The following GALNTL6 variants were observed in gnomAD, a reference collection of about 807,000 sequenced individuals.
The protein encoded by GALNTL6 is polypeptide N-acetylgalactosaminyltransferase-like 6.
A neutral mutation model predicts 73.7 loss-of-function variants in GALNTL6; 46 were observed. The ratio of observed to expected loss-of-function variants is 0.62; its 90% confidence interval spans 0.49 to 0.80. The LOEUF is 0.80. GALNTL6 is among the 30% of genes least tolerant of loss of function. The pLI, the probability that GALNTL6 is intolerant of heterozygous loss-of-function variation, is 0.00. For missense variants in GALNTL6, 604 were observed against 755.0 expected (o/e 0.80, Z 2.34); for synonymous variants, 259 against 263.7 (o/e 0.98, Z 0.17).
At chr4:171,838,036 C>G (rs949616192) in intron 2 of GALNTL6, among the ~76,000 whole-genome samples, 1 of 151,814 alleles carries the variant, frequency 6.6e-6, no homozygotes, top group African/African-American at 2.4e-5. Context: ...TGTAGTTTCT[C>G]CCTTCACTCT....
chr4:171,841,988 A>G (rs1221757536), intron 2 of GALNTL6, among the ~76,000 whole-genome samples: 1 of 152,070 alleles, frequency 6.6e-6, no homozygotes, highest in African/African-American at 2.4e-5. Context: ...TTCATGAATT[A>G]TGTTTCTTTT....
At chr4:172,232,929 A>G (rs1319581412) in intron 3 of GALNTL6, among the ~76,000 whole-genome samples, 12 of 152,142 alleles carry the variant, frequency 7.9e-5, no homozygotes, top group Admixed American at 7.9e-4. Flanking sequence ...ATTTAGTGAC[A>G]AGCACGTATC....
chr4:172,336,961 A>C (rs1741350894), intron 4 of GALNTL6, among the ~76,000 whole-genome samples: 1 of 152,112 alleles, frequency 6.6e-6, no homozygotes, highest in Admixed American at 6.6e-5. Flanking sequence ...AGAATAGTTA[A>C]GTATTATTGT....
intron 5 of GALNTL6, among the ~76,000 whole-genome samples, chr4:172,647,091 C>A (rs1740275474): frequency 6.6e-6 from 1 of 151,954 alleles, no homozygotes; most frequent in Non-Finnish European, 1.5e-5. Flanking sequence ...AAAATTAGGT[C>A]CTAACTTTTG....
At chr4:172,472,790 G>A (rs1011720811) in intron 5 of GALNTL6, among the ~76,000 whole-genome samples, 3 of 152,106 alleles carry the variant, frequency 2.0e-5, no homozygotes, top group African/African-American at 7.2e-5. Flanking sequence ...AGGCAAGAAA[G>A]AATCCTCTGC....
chr4:172,592,684 C>CTATG (rs1343272382), intron 5 of GALNTL6, among the ~76,000 whole-genome samples: 6 of 151,618 alleles, frequency 4.0e-5, no homozygotes, highest in African/African-American at 1.5e-4. Context: ...ATCTATCTAT[C>CTATG]TATCTATCTA....
intron 7 of GALNTL6, among the ~76,000 whole-genome samples, chr4:172,879,261 C>T (rs1745339348): frequency 6.6e-6 from 1 of 151,796 alleles, no homozygotes; most frequent in African/African-American, 2.4e-5. Flanking sequence ...TTGAATAACA[C>T]TATCAACCAA....
intron 5 of GALNTL6, among the ~76,000 whole-genome samples, chr4:172,619,046 C>T (rs1738853622): frequency 1.3e-5 from 2 of 152,136 alleles, no homozygotes; most frequent in South Asian, 2.1e-4. Context: ...TTTAGTGGCC[C>T]AGTGTCTCCC....
intron 5 of GALNTL6, among the ~76,000 whole-genome samples, chr4:172,588,888 A>C (rs1424700430): frequency 6.6e-6 from 1 of 152,206 alleles, no homozygotes; most frequent in African/African-American, 2.4e-5. Context: ...AATGAAGGCA[A>C]TGGTGCAGAA....
At chr4:172,802,067 C>G (rs1740678920) in intron 5 of GALNTL6, among the ~76,000 whole-genome samples, 1 of 151,958 alleles carries the variant, frequency 6.6e-6, no homozygotes, top group Non-Finnish European at 1.5e-5. Flanking sequence ...AAAATCAAGC[C>G]CTTGGTCCTG....
chr4:172,295,104 A>G (rs547382964), intron 3 of GALNTL6, among the ~76,000 whole-genome samples: 1 of 152,282 alleles, frequency 6.6e-6, no homozygotes, highest in South Asian at 2.1e-4. Flanking sequence ...ATCTCCAGGT[A>G]CTAGGCATAT....
chr4:173,031,455 TTTTTCTCTGC>T (rs961124187), intron 12 of GALNTL6, among the ~76,000 whole-genome samples: 61 of 152,170 alleles, frequency 4.0e-4, no homozygotes, highest in Non-Finnish European at 7.5e-4. Context: ...AGAGCAGGAA[TTTTTCTCTGC>T]TTTCTTTCGT....
At chr4:172,830,156 G>T (rs369779760) in intron 7 of GALNTL6, among the ~76,000 whole-genome samples, 6 of 152,080 alleles carry the variant, frequency 3.9e-5, no homozygotes, top group South Asian at 4.1e-4. Context: ...TAGATAAAGA[G>T]AATTTTTCCT....
At chr4:172,185,634 T>C (rs986412921) in intron 2 of GALNTL6, among the ~76,000 whole-genome samples, 2 of 152,214 alleles carry the variant, frequency 1.3e-5, no homozygotes, top group African/African-American at 2.4e-5. Context: ...TTTGAGATGA[T>C]CAGTTTTTGT....
chr4:172,377,768 C>T (rs552464771), intron 5 of GALNTL6, among the ~76,000 whole-genome samples: 26 of 152,284 alleles, frequency 1.7e-4, no homozygotes, highest in African/African-American at 3.9e-4. Flanking sequence ...CCTCCGCAGA[C>T]GCTGGCCCAG....
chr4:172,231,021 C>A (rs577741083), intron 3 of GALNTL6, among the ~76,000 whole-genome samples: 1 of 149,184 alleles, frequency 6.7e-6, no homozygotes, highest in East Asian at 2.1e-4. Flanking sequence ...GCCCCACCCC[C>A]AGCTTTTTAA....
intron 4 of GALNTL6, among the ~76,000 whole-genome samples, chr4:172,319,859 G>A (rs774031400): frequency 1.3e-5 from 2 of 152,140 alleles, no homozygotes; most frequent in Non-Finnish European, 2.9e-5. Context: ...AGAAAGGGAA[G>A]AAACATCTAT....
intron 2 of GALNTL6, among the ~76,000 whole-genome samples, chr4:172,009,391 A>G (rs1740935635): frequency 6.6e-6 from 1 of 152,048 alleles, no homozygotes; most frequent in African/African-American, 2.4e-5. Flanking sequence ...CCTGGAATAC[A>G]ATTTAGGTAA....
chr4:172,039,599 T>C (rs1579080780), intron 2 of GALNTL6, among the ~76,000 whole-genome samples: 1 of 152,072 alleles, frequency 6.6e-6, no homozygotes, highest in Non-Finnish European at 1.5e-5. Flanking sequence ...TTCATAACAG[T>C]GCAGCTGCAA....
Sources: allele counts gnomAD v4.1 joint callset (sites outside exome capture counted in the v4.1 genomes callset), GRCh38; gene constraint gnomAD v4.1.1; transcripts MANE v1.5; gene names NCBI Gene and HGNC (gene_info 2026-07-23, HGNC 2026-07-21).